Variants in LPP observed in about 807,000 individuals in gnomAD.
LPP encodes lipoma-preferred partner.
LPP carries 38 observed loss-of-function variants against 60.4 expected under a neutral mutation model. That is an observed-to-expected ratio of 0.63 (90% confidence interval 0.49 to 0.83). LPP has a LOEUF of 0.83. LPP is among the 40% of genes least tolerant of loss of function. The pLI is 0.00. For missense variants in LPP, 902 were observed against 783.6 expected, an observed-to-expected ratio of 1.15 and a Z score of -1.80; for synonymous variants, 328 against 290.8, an observed-to-expected ratio of 1.13 and a Z score of -1.30.
intron 3 of LPP, among the ~76,000 whole-genome samples, chr3:188,342,070 A>G (rs1578204201): frequency 6.6e-6 from 1 of 152,158 alleles, no homozygotes; most frequent in South Asian, 2.1e-4. Flanking sequence ...ATGTGGCAGG[A>G]GGGCTTTTTA....
intron 9 of LPP, among the ~76,000 whole-genome samples, chr3:188,834,855 A>AGAT (rs1758006053): frequency 6.6e-6 from 1 of 152,236 alleles, no homozygotes. Flanking sequence ...GCCAATTTAC[A>AGAT]GATGAATTAT....
At chr3:188,382,171 C>T (rs971874460) in intron 3 of LPP, among the ~76,000 whole-genome samples, 12 of 152,190 alleles carry the variant, frequency 7.9e-5, no homozygotes, top group African/African-American at 2.7e-4. Context: ...CCCATTTGCC[C>T]AGATGCTCCC....
At chr3:188,168,153 C>T (rs190436021) in intron 1 of LPP, among the ~76,000 whole-genome samples, 10 of 152,306 alleles carry the variant, frequency 6.6e-5, no homozygotes, top group African/African-American at 1.4e-4. Flanking sequence ...CTACCTACTC[C>T]GTGCCAGGCA....
intron 2 of LPP, among the ~76,000 whole-genome samples, chr3:188,260,433 CCT>C (rs1232393131): frequency 6.6e-6 from 1 of 151,786 alleles, no homozygotes; most frequent in African/African-American, 2.4e-5. Context: ...AAGGAATTTG[CCT>C]CTGTTTTTTT....
chr3:188,360,148 A>G (rs1416655881), intron 3 of LPP, among the ~76,000 whole-genome samples: 10 of 151,900 alleles, frequency 6.6e-5, no homozygotes, highest in Non-Finnish European at 1.5e-4. Context: ...CCTTCTTGCT[A>G]TTTGCTTAGG....
At chr3:188,222,194 A>G (rs1485619627) in intron 1 of LPP, among the ~76,000 whole-genome samples, 1 of 152,240 alleles carries the variant, frequency 6.6e-6, no homozygotes, top group African/African-American at 2.4e-5. Flanking sequence ...CAAAGTACTT[A>G]GATATATAAA....
intron 9 of LPP, among the ~76,000 whole-genome samples, chr3:188,860,707 T>C (rs1477620580): frequency 1.3e-5 from 2 of 152,324 alleles, no homozygotes; most frequent in African/African-American, 4.8e-5. Context: ...CTAACTGATA[T>C]TTGTGGAGCA....
intron 3 of LPP, among the ~76,000 whole-genome samples, chr3:188,342,257 A>G (rs1434827233): frequency 6.6e-6 from 1 of 152,240 alleles, no homozygotes; most frequent in African/African-American, 2.4e-5. Context: ...CTAAGAACAC[A>G]GAAAATTGAG....
chr3:188,767,996 A>G (rs1202856059), intron 9 of LPP, among the ~76,000 whole-genome samples: 1 of 152,190 alleles, frequency 6.6e-6, no homozygotes, highest in Non-Finnish European at 1.5e-5. Flanking sequence ...ATAACCAAGA[A>G]AGAAACAAAA....
At chr3:188,666,316 C>T (rs1855788326) in intron 7 of LPP, among the ~76,000 whole-genome samples, 2 of 152,140 alleles carry the variant, frequency 1.3e-5, no homozygotes, top group Non-Finnish European at 2.9e-5. Flanking sequence ...GCCAGTGACG[C>T]TCTATAGTAT....
At chr3:188,390,656 A>G (rs77808981) in intron 3 of LPP, among the ~76,000 whole-genome samples, 1,516 of 151,436 alleles carry the variant, frequency 0.01, 29 homozygotes, top group African/African-American at 0.035. Context: ...ACTCCTTCTC[A>G]TTTATGAGTT....
intron 7 of LPP, among the ~76,000 whole-genome samples, chr3:188,635,289 T>G (rs1298702319): frequency 6.6e-6 from 1 of 152,144 alleles, no homozygotes; most frequent in Non-Finnish European, 1.5e-5. Context: ...TGGGCATCAG[T>G]GGGGACAGCT....
chr3:188,824,903 A>G (rs539710095), intron 9 of LPP, among the ~76,000 whole-genome samples: 1 of 152,270 alleles, frequency 6.6e-6, no homozygotes, highest in African/African-American at 2.4e-5. Flanking sequence ...AGAATCCTCA[A>G]GTAGGGTGGG....
Position 188,609,566 on chromosome 3 carries a change from C to G in LPP, c.835C>G (p.Pro279Ala). ...GGMDYAYIPPPGLQPEPGYGY... is the reference protein window; with the variant it reads ...GGMDYAYIPPAGLQPEPGYGY... ...CATGGATTATGCCTACATTCCACCA[C>G]CAGGACTTCAGCCGGAGCCTGGGTA... The change falls in exon 7 of 12, where the codon CCA becomes GCA. Residue 279 changes from proline to alanine, a missense_variant. Physicochemically the swap from Pro to Ala is conservative, Grantham distance 27. Coordinates refer to ENST00000617246, the MANE Select transcript of LPP (RefSeq NM_001375462.1). This position sits in a 1 kb window ranked among gnomAD's most constrained non-coding sequence, Gnocchi z 6.9. 6.2e-7 allele frequency: 1 copy of G among 1,614,172 alleles called. No individual in the cohort carries two copies. Among genetic ancestry groups the G allele is most frequent in the Non-Finnish European group, 8.5e-7 (1 of 1,180,040 alleles).
At chr3:188,575,990 T>C (rs895961755) in intron 6 of LPP, among the ~76,000 whole-genome samples, 8 of 152,124 alleles carry the variant, frequency 5.3e-5, no homozygotes, top group Non-Finnish European at 7.4e-5. Flanking sequence ...AGAAGCCCTA[T>C]TGGAGAAGAA....
At chr3:188,764,007 T>A (rs1170295384) in intron 9 of LPP, among the ~76,000 whole-genome samples, 1 of 152,160 alleles carries the variant, frequency 6.6e-6, no homozygotes, top group Non-Finnish European at 1.5e-5. Flanking sequence ...TTATTTATAT[T>A]TTCTGAACTA....
chr3:188,768,792 C>T (rs577194632), intron 9 of LPP, among the ~76,000 whole-genome samples: 2 of 152,204 alleles, frequency 1.3e-5, no homozygotes, highest in African/African-American at 4.8e-5. Context: ...CCAGAGAGAG[C>T]CACTATTCTA....
intron 5 of LPP, among the ~76,000 whole-genome samples, chr3:188,506,240 G>A (rs138951324): frequency 6.6e-6 from 1 of 152,220 alleles, no homozygotes; most frequent in African/African-American, 2.4e-5. Flanking sequence ...GCTTATCACT[G>A]CATTTCCCAT....
chr3:188,609,576 A>G lies in LPP; in HGVS notation c.845A>G (p.Gln282Arg). Residue 282 changes from glutamine to arginine, a missense_variant, in exon 7 of 12, where the codon CAG (glutamine) becomes CGG (arginine). Coordinates refer to ENST00000617246, the MANE Select transcript of LPP (RefSeq NM_001375462.1). This position sits in a 1 kb window ranked among gnomAD's most constrained non-coding sequence, Gnocchi z 6.9. ...DYAYIPPPGL[Q>R]PEPGYGYAPN... is the part of the protein sequence containing the mutation. Reference sequence around the variant, plus strand: ...GCCTACATTCCACCACCAGGACTTCAGCCGGAGCCTGGGTATGGGTATGCC... The same window carrying G: ...GCCTACATTCCACCACCAGGACTTCGGCCGGAGCCTGGGTATGGGTATGCC... 1.2e-6 allele frequency: 2 copies of G among 1,614,198 alleles called. No homozygotes were observed. Among genetic ancestry groups the G allele is most frequent in the Non-Finnish European group, 1.7e-6 (2 of 1,180,038 alleles).
Sources: allele counts gnomAD v4.1 joint callset (sites outside exome capture counted in the v4.1 genomes callset), GRCh38; gene constraint gnomAD v4.1.1; non-coding constraint Gnocchi (gnomAD v3.1); transcripts MANE v1.5; gene names NCBI Gene and HGNC (gene_info 2026-07-23, HGNC 2026-07-21).